The following SLC8B1 variants were observed in gnomAD, a reference collection of about 807,000 sequenced individuals.
SLC8B1 encodes the protein solute carrier family 8 member B1, also known as mitochondrial sodium/calcium exchanger protein.
Under a neutral mutation model 63.4 loss-of-function variants are expected in SLC8B1, and 52 were observed. That is an observed-to-expected ratio of 0.82 (90% CI 0.66 to 1.03). The LOEUF (loss-of-function observed/expected upper bound fraction) is 1.03. Ranked by LOEUF, SLC8B1 falls within the 50% of genes least tolerant of loss-of-function variation. SLC8B1 has a pLI of 0.00. For synonymous variants in SLC8B1, 336 were observed against 323.9 expected (o/e 1.04, Z -0.40); for missense variants, 657 against 741.7 (o/e 0.89, Z 1.33).
Position 113,321,091 on chromosome 12 carries a change from G to T in SLC8B1, c.327C>A (p.Tyr109Ter), listed in dbSNP as rs775535901. 2.5e-6 allele frequency: 4 copies of T among 1,613,958 alleles called. No individual in the cohort carries two copies. The highest frequency in any genetic ancestry group is 3.4e-6 in the Non-Finnish European group (4 of 1,179,940). Reference sequence around the variant, plus strand: ...CGGTGACTCCCAGAATCAGAAACAGGTAGAGCAGCCAGGAAACCTGGGTGG... The same window carrying T: ...CGGTGACTCCCAGAATCAGAAACAGTTAGAGCAGCCAGGAAACCTGGGTGG... The part of the protein sequence containing the change: ...AVTLYVSWLL[Y>*]LFLILGVTAA... The change falls in exon 4 of 16, where the codon TAC becomes TAA. Residue 109 changes from tyrosine (Y) to a stop codon, truncating the protein, a stop_gained. Transcript: ENST00000680972. LOFTEE classifies it high-confidence loss of function.
intron 14 of SLC8B1, 104 bp from the exon 15 acceptor site, chr12:113,304,489 G>GC: frequency 9.4e-7 from 1 of 1,068,874 alleles, no homozygotes; most frequent in Non-Finnish European, 1.4e-6. Flanking sequence ...GGATGCCACT[G>GC]CAAGAATGAA....
intron 11 of SLC8B1, among the ~76,000 whole-genome samples, chr12:113,311,306 C>T (rs990252948): frequency 6.6e-5 from 10 of 152,096 alleles, no homozygotes; most frequent in Non-Finnish European, 1.0e-4. Context: ...AAAAATTAGC[C>T]GGGGGTGGTG....
At chr12:113,304,966 A>G (rs146797213) in intron 14 of SLC8B1, among the ~76,000 whole-genome samples, 218 of 152,298 alleles carry the variant, frequency 1.4e-3, no homozygotes, top group African/African-American at 5.0e-3. Flanking sequence ...CCCAAACACC[A>G]TATCTGAGGA....
At chr12:113,301,235 A>G (rs1593234028) in intron 15 of SLC8B1, among the ~76,000 whole-genome samples, 1 of 152,200 alleles carries the variant, frequency 6.6e-6, no homozygotes, top group South Asian at 2.1e-4. Context: ...CATAAACAGT[A>G]GAGTCTGGGT....
At chr12:113,310,177 T>C (rs908158443) in intron 12 of SLC8B1, 57 bp downstream of exon 12, 1 of 1,573,536 alleles carries the variant, frequency 6.4e-7, no homozygotes, top group Non-Finnish European at 8.6e-7. Flanking sequence ...ACAGGACATC[T>C]GTGTGGGAGA....
chr12:113,329,665 C>T (rs1184410961), intron 2 of SLC8B1, among the ~76,000 whole-genome samples: 1 of 152,172 alleles, frequency 6.6e-6, no homozygotes, highest in African/African-American at 2.4e-5. Context: ...CACTTCCTTC[C>T]AGTCCTTCCC....
chr12:113,312,737 C>T (rs1245031775), intron 11 of SLC8B1, among the ~76,000 whole-genome samples: 1 of 152,126 alleles, frequency 6.6e-6, no homozygotes, highest in Admixed American at 6.5e-5. Flanking sequence ...GCTGCAGAAC[C>T]GTGACTCAGG....
rs7960684 is a variant in SLC8B1 at position 113,313,598 on chromosome 12, G to A, written c.1135+1737C>T. On this transcript the variant is annotated intron_variant, in intron 11 of 15. Coordinates refer to ENST00000680972, the MANE Select transcript of SLC8B1 (RefSeq NM_001358345.2). ...TCTACTAAAAATATAAAAATTGGCC[G>A]GGCATGGTGGCGGGTGCCTGTAGTC... Among the ~76,000 whole-genome samples the A allele has an allele frequency of 3.7e-3, 566 of 152,098 alleles. 3 individuals are homozygous for A. Among genetic ancestry groups the A allele is most frequent in the Non-Finnish European group, 6.8e-3 (462 of 68,000 alleles).
At chr12:113,301,527 T>A (rs181867338) in intron 15 of SLC8B1, among the ~76,000 whole-genome samples, 1 of 151,920 alleles carries the variant, frequency 6.6e-6, no homozygotes, top group South Asian at 2.1e-4. Flanking sequence ...TTAGTAGAGA[T>A]GGAGTTTCAC....
In SLC8B1 at chr12:113,320,995, C is replaced by T; in HGVS notation, c.362+61G>A. 1 of 1,593,968 alleles carries T rather than the reference C, an allele frequency of 6.3e-7. No homozygotes were observed. The highest frequency in any genetic ancestry group is 2.3e-5 in the East Asian group (1 of 44,318). ...CCCCAAACTGAGGGTGACCGAATGTCAGCCTCCTGGGACCCCTCCTCCCAT... is the reference window on the plus strand; with the variant it reads ...CCCCAAACTGAGGGTGACCGAATGTTAGCCTCCTGGGACCCCTCCTCCCAT... On this transcript the variant is annotated intron_variant, in intron 4 of 15. Transcript: ENST00000680972. The surrounding 1 kb of genome is among the most constrained non-coding windows in gnomAD (Gnocchi z 5.3).
Position 113,307,768 on chromosome 12 carries a change from C to T in SLC8B1, c.1334G>A (p.Arg445Gln), listed in dbSNP as rs1010770514. ...AAATEVVNIL[R>Q]SLGVVFRLSN... ...CAGCCGGAAGACCACACCCAGGGACCGCAAGATGTTCACCACCTCTGTGGC... is the reference window on the plus strand; with the variant it reads ...CAGCCGGAAGACCACACCCAGGGACTGCAAGATGTTCACCACCTCTGTGGC... Residue 445 changes from arginine to glutamine, a missense_variant, in exon 13 of 16, where the codon CGG becomes CAG. Coordinates refer to ENST00000680972, the MANE Select transcript of SLC8B1 (RefSeq NM_001358345.2). 2.5e-6 allele frequency: 4 copies of T among 1,613,878 alleles called. No individual in the cohort carries two copies. Among genetic ancestry groups the T allele is most frequent in the Non-Finnish European group, 2.5e-6 (3 of 1,180,036 alleles).
In SLC8B1 at chr12:113,320,208, T is replaced by C. The variant is rs1956901279; in HGVS notation, c.694+123A>G. The C allele has an allele frequency of 8.1e-7, 1 of 1,228,988 alleles. No individual in the cohort carries two copies. The highest frequency in any genetic ancestry group is 2.3e-5 in the Admixed American group (1 of 43,580). 76.1% of individuals were successfully genotyped at this position (1,228,988 alleles called of 1,614,324 possible). ...CTCAAGCCAGCTTGAGGAGGGTTTC[T>C]GTCACTTGTAATCAAATCAAAGCCC... On this transcript the variant is annotated intron_variant, in intron 7 of 15. Coordinates refer to ENST00000680972, the MANE Select transcript of SLC8B1 (RefSeq NM_001358345.2). The surrounding 1 kb of genome is among the most constrained non-coding windows in gnomAD (Gnocchi z 5.3).
At chr12:113,301,761 G>A (rs1956591107) in intron 15 of SLC8B1, among the ~76,000 whole-genome samples, 1 of 152,148 alleles carries the variant, frequency 6.6e-6, no homozygotes, top group Non-Finnish European at 1.5e-5. Flanking sequence ...TTGTATGGTG[G>A]GTACTAGGAT....
At chr12:113,330,639 G>A (rs1016232098) in intron 2 of SLC8B1, among the ~76,000 whole-genome samples, 3 of 152,186 alleles carry the variant, frequency 2.0e-5, no homozygotes, top group Non-Finnish European at 1.5e-5. Flanking sequence ...CAAGGAGCAC[G>A]CTCCAAGAGG....
At chr12:113,311,262 C>T (rs2136835537) in intron 11 of SLC8B1, among the ~76,000 whole-genome samples, 1 of 152,240 alleles carries the variant, frequency 6.6e-6, no homozygotes, top group Non-Finnish European at 1.5e-5. Flanking sequence ...ACAAACCTGG[C>T]CAAGGGGCGA....
rs1168757192 is a variant in SLC8B1 at position 113,318,780 on chromosome 12, T to G, written c.802+184A>C. On this transcript the variant is annotated intron_variant, in intron 8 of 15. Transcript: ENST00000680972. ...GGAGTGCACTTGAGCCTGCAGGTGA[T>G]GCAGAGGCTCATGGGTACCAGTGGA... 4.6e-5 allele frequency among the ~76,000 whole-genome samples: 7 copies of G among 152,140 alleles called. No individual in the cohort carries two copies. The East Asian group carries it at 1.2e-3, about 25-fold the overall frequency.
Position 113,320,679 on chromosome 12 carries a change from G to C in SLC8B1, c.428C>G (p.Thr143Ser). Residue 143 changes from threonine (T) to serine (S), a missense_variant, in exon 6 of 16, where the codon ACC becomes AGC. Physicochemically the swap from Thr to Ser is moderately conservative, Grantham distance 58 (BLOSUM62 1). Transcript: ENST00000680972. This position sits in a 1 kb window ranked among gnomAD's most constrained non-coding sequence, Gnocchi z 5.3. ...LKLSHNVAGV[T>S]FLAFGNGAPD... Reference sequence around the variant, plus strand: ...TGCACCATTCCCAAATGCCAGGAAGGTGACGCCATGTGGGGAGCATGTCAA... The same window carrying C: ...TGCACCATTCCCAAATGCCAGGAAGCTGACGCCATGTGGGGAGCATGTCAA... The C allele has an allele frequency of 6.2e-7, 1 of 1,613,530 alleles. No individual in the cohort carries two copies. The highest frequency in any genetic ancestry group is 8.5e-7 in the Non-Finnish European group (1 of 1,179,794).
rs1474791402 is a variant in SLC8B1, at chr12:113,307,815, G to A, written c.1287C>T (p.Ser429=). ...WLFAFLGFLT[S]ALWINAAATE... ...TGGCGGCCGCGTTGATCCACAGGGC[G>A]CTGGTCAGAAAGCCCAGGAAAGCAA... The change falls in exon 13 of 16, where the codon AGC becomes AGT. Residue 429 remains serine (S), a synonymous_variant. Coordinates refer to ENST00000680972, the MANE Select transcript of SLC8B1 (RefSeq NM_001358345.2). 4 of 1,613,288 alleles carry A rather than the reference G, an allele frequency of 2.5e-6. No homozygotes were observed. The highest frequency in any genetic ancestry group is 1.3e-5 in the African/African-American group (1 of 75,044).
intron 2 of SLC8B1, among the ~76,000 whole-genome samples, chr12:113,327,588 G>A (rs1040168149): frequency 6.6e-6 from 1 of 151,782 alleles, no homozygotes; most frequent in African/African-American, 2.4e-5. Flanking sequence ...AGGAGGCTGA[G>A]GCAGAATAAC....
Sources: gnomAD v4.1 joint callset for allele counts (sites outside exome capture counted in the v4.1 genomes callset) on GRCh38, gnomAD v4.1.1 for gene constraint, Gnocchi (gnomAD v3.1) non-coding constraint, MANE v1.5 for transcripts, NCBI Gene and HGNC (gene_info 2026-07-23, HGNC 2026-07-21) for gene names.